Variants in INPP4B observed in about 807,000 individuals in gnomAD.
INPP4B encodes inositol polyphosphate-4-phosphatase type II B, also known as inositol polyphosphate 4-phosphatase type II.
INPP4B carries 55 observed loss-of-function variants against 122.5 expected under a neutral mutation model. The observed-to-expected ratio is 0.45, with a 90% CI of 0.36 to 0.56. The LOEUF (loss-of-function observed/expected upper bound fraction) is 0.56, where lower values mean the gene tolerates loss of function less well. INPP4B is among the 20% of genes least tolerant of loss of function. INPP4B has a pLI of 0.00. For synonymous variants in INPP4B, 403 were observed against 388.7 expected (o/e 1.04, Z -0.43); for missense variants, 1,000 against 1,097.7 (o/e 0.91, Z 1.26).
chr4:142,501,117 G>A (rs774220902), intron 2 of INPP4B, among the ~76,000 whole-genome samples: 3 of 152,258 alleles, frequency 2.0e-5, no homozygotes, highest in Non-Finnish European at 2.9e-5. Context: ...CCTAACTTCC[G>A]TAAGCATCAA....
chr4:142,029,389 C>A, intron 25 of INPP4B: 1 of 984,010 alleles, frequency 1.0e-6, no homozygotes, highest in Non-Finnish European at 1.2e-6. Flanking sequence ...TTTAGCTGTG[C>A]AAGGAAGAGA....
Position 142,782,856 on chromosome 4 carries a change from C to T in INPP4B, c.-253-56955G>A, listed in dbSNP as rs1030675919. Among the ~76,000 whole-genome samples the T allele has an allele frequency of 1.8e-4, 27 of 150,810 alleles. No individual in the cohort carries two copies. The East Asian group carries it at 2.4e-3, about 13-fold the overall frequency. On this transcript the variant is annotated intron_variant, in intron 1 of 25. Transcript: ENST00000262992. Reference sequence around the variant, plus strand: ...AACAGAACAGAGCCCTCAGAAATAACGCCGCATATCTACAACTATTGATCT... The same window carrying T: ...AACAGAACAGAGCCCTCAGAAATAATGCCGCATATCTACAACTATTGATCT...
chr4:142,299,522 GT>G (rs71586276), intron 9 of INPP4B, among the ~76,000 whole-genome samples: 5,089 of 138,216 alleles, frequency 0.037, 255 homozygotes, highest in African/African-American at 0.12. Context: ...GAAGTTTTTA[GT>G]TTTTTTTTTT....
chr4:142,556,932 C>A (rs778855243), intron 2 of INPP4B, among the ~76,000 whole-genome samples: 3 of 152,148 alleles, frequency 2.0e-5, no homozygotes. Flanking sequence ...CTGGAAGAGG[C>A]TTTATCTTCT....
chr4:142,436,266 G>A (rs1810493758), intron 3 of INPP4B, among the ~76,000 whole-genome samples: 1 of 152,178 alleles, frequency 6.6e-6, no homozygotes, highest in Non-Finnish European at 1.5e-5. Flanking sequence ...CCCTGGGCCT[G>A]AGCCCCTAGA....
At chr4:142,662,833 G>GA (rs1176060423) in intron 2 of INPP4B, among the ~76,000 whole-genome samples, 4 of 152,130 alleles carry the variant, frequency 2.6e-5, no homozygotes, top group African/African-American at 9.7e-5. Flanking sequence ...TAAAGTAAAA[G>GA]AAAATTTGAC....
intron 12 of INPP4B, among the ~76,000 whole-genome samples, chr4:142,221,117 C>T (rs1325955178): frequency 3.3e-5 from 5 of 151,836 alleles, no homozygotes; most frequent in Non-Finnish European, 5.9e-5. Context: ...TAACACAATC[C>T]GGCTGGGCAC....
At chr4:142,476,282 T>C (rs1000004419) in intron 2 of INPP4B, among the ~76,000 whole-genome samples, 4 of 152,196 alleles carry the variant, frequency 2.6e-5, no homozygotes, top group African/African-American at 7.2e-5. Context: ...CAGAAAAGTA[T>C]ATGCTAAGAG....
chr4:142,111,167 T>C (rs1055886163), intron 22 of INPP4B, among the ~76,000 whole-genome samples: 1 of 151,892 alleles, frequency 6.6e-6, no homozygotes, highest in African/African-American at 2.4e-5. Context: ...TAAACTTACC[T>C]GTGGGGCAGG....
chr4:142,568,727 A>G (rs1479601705), intron 2 of INPP4B, among the ~76,000 whole-genome samples: 1 of 152,138 alleles, frequency 6.6e-6, no homozygotes, highest in Non-Finnish European at 1.5e-5. Flanking sequence ...AGCTACAAAG[A>G]TGATATTACT....
chr4:142,353,810 G>A (rs945662945), intron 7 of INPP4B, among the ~76,000 whole-genome samples: 33 of 152,060 alleles, frequency 2.2e-4, no homozygotes, highest in African/African-American at 8.0e-4. Flanking sequence ...TTTTAAAGTT[G>A]CACAGAATGC....
chr4:142,608,323 T>C (rs1300013916), intron 2 of INPP4B, among the ~76,000 whole-genome samples: 2 of 152,082 alleles, frequency 1.3e-5, no homozygotes, highest in Middle Eastern at 3.2e-3. Flanking sequence ...TTCATGAAAA[T>C]ACCACACCTT....
chr4:142,581,267 C>A (rs1050540132), intron 2 of INPP4B, among the ~76,000 whole-genome samples: 2 of 151,908 alleles, frequency 1.3e-5, no homozygotes, highest in African/African-American at 4.8e-5. Context: ...GCTGTTTCTC[C>A]AAGTTTTGTG....
Position 142,173,721 on chromosome 4 carries a change from TA to T in INPP4B, c.1269del (p.Ile424Ter), listed in dbSNP as rs1826642134. 1 of 1,613,268 alleles carries T rather than the reference TA, an allele frequency of 6.2e-7. No homozygotes were observed. Among genetic ancestry groups the T allele is most frequent in the Non-Finnish European group, 8.5e-7 (1 of 1,179,518 alleles). ...AGCAGTAGGTCTGCATGGGTTGCTA[TA>T]AGAGGTTGTAGTTGATTGATGTTGC... is the stretch of plus-strand genomic sequence containing the variant. The part of the protein sequence containing the change: ...VLSNINQLQP[L>X]IATHADLLLN... On this transcript the variant is annotated frameshift_variant, in exon 16 of 26. Transcript: ENST00000262992. LOFTEE classifies it high-confidence loss of function.
Position 142,678,916 on chromosome 4 carries a change from T to A in INPP4B, c.-191+46923A>T, listed in dbSNP as rs866573878. On this transcript the variant is annotated intron_variant, in intron 2 of 25. Coordinates refer to ENST00000262992, the MANE Select transcript of INPP4B (RefSeq NM_001101669.3). ...ATCATCTTTCCAAGATACATTAATT[T>A]ATCTTCTCTAATCCTTAACAATTCC... Among the ~76,000 whole-genome samples the A allele has an allele frequency of 2.0e-5, 3 of 151,960 alleles. No homozygotes were observed. The South Asian group carries it at 6.2e-4, about 31-fold the overall frequency.
intron 3 of INPP4B, among the ~76,000 whole-genome samples, chr4:142,432,358 A>G (rs190215221): frequency 6.6e-6 from 1 of 152,208 alleles, no homozygotes; most frequent in African/African-American, 2.4e-5. Context: ...GGCTTCATTT[A>G]TAATTCAGCT....
intron 16 of INPP4B, among the ~76,000 whole-genome samples, chr4:142,164,672 C>T (rs1330342347): frequency 4.6e-5 from 7 of 151,770 alleles, no homozygotes; most frequent in Non-Finnish European, 7.4e-5. Context: ...ACCTCTCAAA[C>T]TCCTATGGGA....
At chr4:142,801,309 A>T (rs1359420868) in intron 1 of INPP4B, among the ~76,000 whole-genome samples, 1 of 152,212 alleles carries the variant, frequency 6.6e-6, no homozygotes, top group Non-Finnish European at 1.5e-5. Context: ...TCTAATCCCC[A>T]GTCCCTCAGA....
At chr4:142,359,858 C>A (rs878996443) in intron 7 of INPP4B, among the ~76,000 whole-genome samples, 4 of 151,814 alleles carry the variant, frequency 2.6e-5, no homozygotes, top group Non-Finnish European at 4.4e-5. Context: ...TCAGGAAATT[C>A]TTTTTCATGT....
Sources: gnomAD v4.1 joint callset for allele counts (sites outside exome capture counted in the v4.1 genomes callset) on GRCh38, gnomAD v4.1.1 for gene constraint, MANE v1.5 for transcripts, NCBI Gene and HGNC (gene_info 2026-07-23, HGNC 2026-07-21) for gene names.